The following ATP10B variants were observed in gnomAD, a reference collection of about 807,000 sequenced individuals.
ATP10B encodes ATPase phospholipid transporting 10B (putative).
ATP10B carries 122 observed loss-of-function variants against 141.2 expected under a neutral mutation model. That is an observed-to-expected ratio of 0.86 (90% CI 0.75 to 1.00). The LOEUF (loss-of-function observed/expected upper bound fraction) is 1.00, where lower values mean the gene tolerates loss of function less well. Ranked by LOEUF, ATP10B falls within the 50% of genes least tolerant of loss-of-function variation. The pLI is 0.00. For synonymous variants in ATP10B, 685 were observed against 692.0 expected (o/e 0.99, Z 0.16); for missense variants, 1,876 against 1,825.3 (o/e 1.03, Z -0.51).
the ATP10B span, among the ~76,000 whole-genome samples, chr5:160,899,156 TATAA>T: frequency 1.3e-5 from 2 of 151,830 alleles, no homozygotes; most frequent in South Asian, 4.2e-4. Context: ...AAAGAGACAA[TATAA>T]AAGCATTTCC....
chr5:160,757,634 TA>T (rs969598072), intron 2 of ATP10B, among the ~76,000 whole-genome samples: 1 of 152,200 alleles, frequency 6.6e-6, no homozygotes, highest in Non-Finnish European at 1.5e-5. Flanking sequence ...AGCCTTTTTT[TA>T]AAATGGAATT....
the ATP10B span, among the ~76,000 whole-genome samples, chr5:160,920,797 G>GTTT: frequency 6.6e-6 from 1 of 152,170 alleles, no homozygotes; most frequent in East Asian, 1.9e-4. Context: ...AAAAACCTTG[G>GTTT]TGGGACTTGA....
chr5:160,875,428 T>C, the ATP10B span, among the ~76,000 whole-genome samples: 2 of 112,406 alleles, frequency 1.8e-5, no homozygotes, highest in African/African-American at 5.4e-5. Flanking sequence ...CACTGCAAAA[T>C]CATGCCAAAA....
At chr5:160,656,766 C>T (rs2127706595) in intron 7 of ATP10B, among the ~76,000 whole-genome samples, 1 of 152,062 alleles carries the variant, frequency 6.6e-6, no homozygotes, top group Middle Eastern at 3.4e-3. Flanking sequence ...CATCTTAGAC[C>T]ACTTTGAAAT....
At chr5:160,861,539 T>A in the ATP10B span, among the ~76,000 whole-genome samples, 3 of 151,950 alleles carry the variant, frequency 2.0e-5, no homozygotes, top group African/African-American at 7.2e-5. Flanking sequence ...TAATTTTTTG[T>A]TCAAATCAAT....
At chr5:160,612,081 TA>T (rs1295953426) in intron 18 of ATP10B, 1 of 152,252 alleles carries the variant, frequency 6.6e-6, no homozygotes, top group Non-Finnish European at 1.5e-5. Flanking sequence ...CTGCCACCCG[TA>T]ATCTATTCCA....
At chr5:160,806,650 A>G (rs1010581098) in intron 1 of ATP10B, among the ~76,000 whole-genome samples, 2 of 152,240 alleles carry the variant, frequency 1.3e-5, no homozygotes, top group South Asian at 2.1e-4. Context: ...AACTCTTAGC[A>G]TGTGCTAGGC....
rs1775715424 is a variant in ATP10B at position 160,840,010 on chromosome 5, T to G, written c.-576+11931A>C. Among the ~76,000 whole-genome samples, 3 of 151,910 alleles carry G rather than the reference T, an allele frequency of 2.0e-5. No individual in the cohort carries two copies. The East Asian group carries it at 5.8e-4, about 29-fold the overall frequency. ...ATTTTATTTACAATACCAACAAAAA[T>G]ATTTAGGAGCAAGCACAATAAGATA... On this transcript the variant is annotated intron_variant, in intron 1 of 25. Coordinates refer to ENST00000327245, the MANE Select transcript of ATP10B (RefSeq NM_025153.3).
intron 24 of ATP10B, 80 bp downstream of exon 24, chr5:160,589,512 A>T: frequency 9.0e-7 from 1 of 1,108,702 alleles, no homozygotes; most frequent in Non-Finnish European, 1.4e-6. Context: ...GATAACACAG[A>T]ATGAAACAAT....
intron 3 of ATP10B, 40 bp downstream of exon 3, chr5:160,716,869 G>A: frequency 1.0e-6 from 1 of 981,422 alleles, no homozygotes; most frequent in Non-Finnish European, 1.2e-6. Flanking sequence ...GTTCCACATA[G>A]GAAAAGGAAA....
chr5:160,716,233 A>C (rs1266277153), intron 3 of ATP10B, among the ~76,000 whole-genome samples: 2 of 152,252 alleles, frequency 1.3e-5, no homozygotes, highest in Non-Finnish European at 2.9e-5. Flanking sequence ...ATCTAATGGC[A>C]GTTAAAATTA....
intron 1 of ATP10B, among the ~76,000 whole-genome samples, chr5:160,819,989 C>T (rs920897445): frequency 6.6e-6 from 1 of 151,240 alleles, no homozygotes; most frequent in Admixed American, 6.6e-5. Context: ...CAGGAGCAAA[C>T]CAAATGCAAA....
the ATP10B span, among the ~76,000 whole-genome samples, chr5:160,874,262 C>A: frequency 1.6e-5 from 1 of 62,454 alleles, no homozygotes; most frequent in African/African-American, 3.8e-5. Context: ...GAGGCACCCC[C>A]CAGGAGGGTA....
the ATP10B span, among the ~76,000 whole-genome samples, chr5:160,912,257 A>G: frequency 6.6e-6 from 1 of 152,112 alleles, no homozygotes. Flanking sequence ...ATTGAGGTGA[A>G]AATGATCATT....
At chr5:160,675,137 G>C (rs896459581) in intron 6 of ATP10B, among the ~76,000 whole-genome samples, 1 of 152,146 alleles carries the variant, frequency 6.6e-6, no homozygotes, top group Non-Finnish European at 1.5e-5. Flanking sequence ...GCCAGGAGCC[G>C]CCTGCAGAAG....
At chr5:160,696,044 C>A (rs1300753829) in intron 3 of ATP10B, among the ~76,000 whole-genome samples, 2 of 152,188 alleles carry the variant, frequency 1.3e-5, no homozygotes, top group African/African-American at 4.8e-5. Context: ...ATTTTTACCA[C>A]ACCCAAATAG....
At chr5:160,714,867 C>T (rs1413817196) in intron 3 of ATP10B, among the ~76,000 whole-genome samples, 2 of 147,404 alleles carry the variant, frequency 1.4e-5, no homozygotes, top group East Asian at 2.0e-4. Flanking sequence ...TGTTGGAATA[C>T]CCTGCCGTGT....
intron 9 of ATP10B, among the ~76,000 whole-genome samples, chr5:160,641,149 G>A (rs1022195001): frequency 6.6e-6 from 1 of 152,198 alleles, no homozygotes; most frequent in Non-Finnish European, 1.5e-5. Context: ...GAAAAGAGGT[G>A]GTGTTGGAGA....
intron 1 of ATP10B, among the ~76,000 whole-genome samples, chr5:160,831,381 C>T (rs979560393): frequency 7.9e-5 from 12 of 152,190 alleles, no homozygotes; most frequent in African/African-American, 2.9e-4. Flanking sequence ...TGGCAGAACA[C>T]ATTACCCCTA....
Sources: allele counts gnomAD v4.1 joint callset (sites outside exome capture counted in the v4.1 genomes callset), GRCh38; gene constraint gnomAD v4.1.1; transcripts MANE v1.5; gene names NCBI Gene and HGNC (gene_info 2026-07-23, HGNC 2026-07-21).